The following CDK14 variants were observed in gnomAD, a reference collection of about 807,000 sequenced individuals.
CDK14 encodes the protein cyclin dependent kinase 14, also known as cyclin-dependent kinase 14.
A neutral mutation model predicts 60.7 loss-of-function variants in CDK14; 34 were observed. The ratio of observed to expected loss-of-function variants is 0.56; its 90% CI spans 0.43 to 0.75. The LOEUF (loss-of-function observed/expected upper bound fraction) is 0.75. Ranked by LOEUF, CDK14 falls within the 30% of genes least tolerant of loss-of-function variation. The probability of loss-of-function intolerance (pLI) is 0.00; values close to 1 mark genes in which losing one functional copy is unlikely to be tolerated. For missense variants in CDK14, 482 were observed against 564.1 expected (o/e 0.85, Z 1.47); for synonymous variants, 197 against 203.7 (o/e 0.97, Z 0.28).
intron 5 of CDK14, among the ~76,000 whole-genome samples, chr7:90,847,320 T>C (rs1790501468): frequency 6.6e-6 from 1 of 152,184 alleles, no homozygotes. Context: ...AATCAATAAA[T>C]ACTTTGTTAA....
At chr7:91,040,560 A>G (rs1797059864) in intron 10 of CDK14, among the ~76,000 whole-genome samples, 3 of 152,242 alleles carry the variant, frequency 2.0e-5, no homozygotes, top group Admixed American at 2.0e-4. Flanking sequence ...TCCACAGCTG[A>G]GTCCATTTAA....
chr7:90,671,285 A>G (rs1237284596), intron 2 of CDK14, among the ~76,000 whole-genome samples: 1 of 150,180 alleles, frequency 6.7e-6, no homozygotes, highest in African/African-American at 2.4e-5. Flanking sequence ...CTCTCAGGAG[A>G]TGACTTTTTT....
At chr7:90,602,106 G>T (rs912328552) in intron 1 of CDK14, among the ~76,000 whole-genome samples, 4 of 152,084 alleles carry the variant, frequency 2.6e-5, no homozygotes, top group Non-Finnish European at 5.9e-5. Context: ...TGCACCTGGT[G>T]GGGTAGTGTC....
intron 11 of CDK14, among the ~76,000 whole-genome samples, chr7:91,073,129 A>T (rs920561263): frequency 6.6e-6 from 1 of 152,196 alleles, no homozygotes; most frequent in African/African-American, 2.4e-5. Flanking sequence ...TCCCCAACCT[A>T]GCAAGACAGG....
chr7:90,951,902 C>T (rs551624009), intron 8 of CDK14, among the ~76,000 whole-genome samples: 2 of 152,186 alleles, frequency 1.3e-5, no homozygotes, highest in South Asian at 4.2e-4. Flanking sequence ...CAAGTATAAG[C>T]TGGAGGTAAA....
intron 5 of CDK14, chr7:90,824,686 G>C (rs1789663027): frequency 1.3e-5 from 2 of 152,194 alleles, no homozygotes; most frequent in African/African-American, 4.8e-5. Flanking sequence ...ACAGGGTAGA[G>C]AGATAATATA....
At chr7:90,785,851 T>G (rs1805559570) in intron 4 of CDK14, among the ~76,000 whole-genome samples, 1 of 151,682 alleles carries the variant, frequency 6.6e-6, no homozygotes. Context: ...GAAAATTTTA[T>G]ATTTACAAAT....
intron 14 of CDK14, among the ~76,000 whole-genome samples, chr7:91,176,029 C>G (rs551207193): frequency 0.046 from 6,987 of 152,058 alleles, 492 homozygotes; most frequent in African/African-American, 0.16. Flanking sequence ...CCACACCACA[C>G]CTATTCCAAA....
intron 6 of CDK14, among the ~76,000 whole-genome samples, chr7:90,877,503 A>G (rs1791602648): frequency 6.6e-6 from 1 of 152,120 alleles, no homozygotes. Flanking sequence ...CAAATATGTG[A>G]TCTTGGTTTT....
At chr7:91,161,306 G>A (rs1228786397) in intron 14 of CDK14, among the ~76,000 whole-genome samples, 4 of 152,138 alleles carry the variant, frequency 2.6e-5, no homozygotes, top group Non-Finnish European at 5.9e-5. Flanking sequence ...TGGCAACACG[G>A]GCCAGAGAGT....
intron 8 of CDK14, among the ~76,000 whole-genome samples, chr7:90,918,468 G>A (rs1793149538): frequency 6.6e-6 from 1 of 152,208 alleles, no homozygotes; most frequent in South Asian, 2.1e-4. Flanking sequence ...ACCATTGCAT[G>A]CTCCTTGCTA....
intron 14 of CDK14, among the ~76,000 whole-genome samples, chr7:91,167,232 T>G (rs959531603): frequency 9.2e-5 from 14 of 152,220 alleles, no homozygotes; most frequent in African/African-American, 3.4e-4. Flanking sequence ...CTTTACTGTC[T>G]TCTAAAGATT....
intron 3 of CDK14, among the ~76,000 whole-genome samples, chr7:90,729,938 A>G (rs574933833): frequency 3.0e-4 from 45 of 152,170 alleles, no homozygotes; most frequent in Admixed American, 7.9e-4. Context: ...GGTTTGTTAC[A>G]TAGGTATACA....
intron 6 of CDK14, among the ~76,000 whole-genome samples, chr7:90,884,470 G>C (rs754749112): frequency 6.6e-6 from 1 of 152,120 alleles, no homozygotes. Context: ...CCATGCTCAA[G>C]GATAGGAAGA....
chr7:91,170,790 A>C (rs1801492580), intron 14 of CDK14, among the ~76,000 whole-genome samples: 1 of 140,680 alleles, frequency 7.1e-6, no homozygotes, highest in Admixed American at 7.3e-5. Context: ...TTTTTGAGAC[A>C]CAGTCTCACT....
At chr7:90,838,692 C>T (rs1790193990) in intron 5 of CDK14, among the ~76,000 whole-genome samples, 2 of 152,160 alleles carry the variant, frequency 1.3e-5, no homozygotes, top group African/African-American at 4.8e-5. Flanking sequence ...ACACCCTGGT[C>T]TCCTGCAGTG....
intron 9 of CDK14, among the ~76,000 whole-genome samples, chr7:90,958,536 T>C (rs3808256): frequency 0.071 from 10,757 of 152,190 alleles, 464 homozygotes; most frequent in South Asian, 0.094. Flanking sequence ...GGGATGGTTG[T>C]TTACACAGTT....
chr7:90,729,080 A>T (rs1482059394), intron 3 of CDK14, among the ~76,000 whole-genome samples: 1 of 148,012 alleles, frequency 6.8e-6, no homozygotes, highest in East Asian at 2.0e-4. Flanking sequence ...TCTGATATCC[A>T]CTCTGCCTGG....
intron 2 of CDK14, among the ~76,000 whole-genome samples, chr7:90,631,621 G>C (rs984012777): frequency 6.6e-6 from 1 of 152,252 alleles, no homozygotes; most frequent in East Asian, 1.9e-4. Flanking sequence ...TTTGTGTCTT[G>C]TTCAGCAGTT....
Sources: allele counts gnomAD v4.1 joint callset (sites outside exome capture counted in the v4.1 genomes callset), GRCh38; gene constraint gnomAD v4.1.1; transcripts MANE v1.5; gene names NCBI Gene and HGNC (gene_info 2026-07-23, HGNC 2026-07-21).